The following GUCY1A2 variants were observed in gnomAD, a reference collection of about 807,000 sequenced individuals.
The protein encoded by GUCY1A2 is guanylate cyclase soluble subunit alpha-2.
Under a neutral mutation model 63.5 loss-of-function variants are expected in GUCY1A2, and 27 were observed. The ratio of observed to expected loss-of-function variants is 0.43; its 90% confidence interval spans 0.31 to 0.59. The LOEUF (loss-of-function observed/expected upper bound fraction) is 0.59. Ranked by LOEUF, GUCY1A2 falls within the 20% of genes least tolerant of loss-of-function variation. The pLI is 0.11. For missense variants in GUCY1A2, 768 were observed against 913.3 expected, an observed-to-expected ratio of 0.84 and a Z score of 2.05; for synonymous variants, 364 against 343.5, an observed-to-expected ratio of 1.06 and a Z score of -0.66.
chr11:106,793,556 A>T (rs2135413689), intron 5 of GUCY1A2, among the ~76,000 whole-genome samples: 1 of 152,232 alleles, frequency 6.6e-6, no homozygotes, highest in Non-Finnish European at 1.5e-5. Flanking sequence ...CAACATAATG[A>T]AAAAGGCAAC....
At chr11:106,809,894 C>G in intron 5 of GUCY1A2, 99 bp downstream of exon 5, 1 of 752,326 alleles carries the variant, frequency 1.3e-6, no homozygotes, top group East Asian at 2.7e-5. Flanking sequence ...AAAGAGTTGT[C>G]AATTATTTAG....
At chr11:106,777,659 A>G (rs535949108) in intron 5 of GUCY1A2, among the ~76,000 whole-genome samples, 1 of 134,976 alleles carries the variant, frequency 7.4e-6, no homozygotes, top group African/African-American at 2.9e-5. Context: ...GGACAGGGAC[A>G]TCACATGCTG....
At chr11:106,982,349 G>A (rs1027344169) in intron 2 of GUCY1A2, among the ~76,000 whole-genome samples, 3 of 152,056 alleles carry the variant, frequency 2.0e-5, no homozygotes, top group Admixed American at 6.6e-5. Flanking sequence ...GACTTCTTCT[G>A]CTCCTCACTA....
chr11:106,808,988 A>G (rs10890598), intron 5 of GUCY1A2, among the ~76,000 whole-genome samples: 33,953 of 152,064 alleles, frequency 0.22, 3,892 homozygotes, highest in Middle Eastern at 0.32. Flanking sequence ...AAGAGATTCA[A>G]TTAAAATATT....
intron 7 of GUCY1A2, among the ~76,000 whole-genome samples, chr11:106,705,295 T>C (rs978677946): frequency 3.9e-5 from 6 of 152,106 alleles, no homozygotes; most frequent in Non-Finnish European, 7.4e-5. Flanking sequence ...CTTTTGTTAA[T>C]AAAAACACAT....
intron 4 of GUCY1A2, among the ~76,000 whole-genome samples, chr11:106,869,779 T>G (rs747232701): frequency 1.3e-5 from 2 of 152,138 alleles, no homozygotes; most frequent in Non-Finnish European, 2.9e-5. Context: ...GGAATATAAA[T>G]CATGCTGCTA....
chr11:106,863,173 G>T (rs1859538231), intron 4 of GUCY1A2, among the ~76,000 whole-genome samples: 1 of 152,134 alleles, frequency 6.6e-6, no homozygotes, highest in Admixed American at 6.6e-5. Context: ...TTTGGCTTTT[G>T]TTGCCATTGC....
rs527566819 is a variant in GUCY1A2, at chr11:106,771,797, A to T, written c.1836+4642T>A. Among the ~76,000 whole-genome samples the T allele has an allele frequency of 1.3e-3, 204 of 152,172 alleles. 1 individual carries two copies. Among genetic ancestry groups the T allele is most frequent in the Non-Finnish European group, 1.5e-3 (100 of 68,034 alleles). On this transcript the variant is annotated intron_variant, in intron 6 of 7. Coordinates refer to ENST00000526355, the MANE Select transcript of GUCY1A2 (RefSeq NM_000855.3). Reference sequence around the variant, plus strand: ...AATCAGATTCTCCCTTGGGAAGAATAAAAAGGAAACAGTCATAATGCTGTT... The same window carrying T: ...AATCAGATTCTCCCTTGGGAAGAATTAAAAGGAAACAGTCATAATGCTGTT...
At chr11:106,894,927 A>G (rs1031786104) in intron 4 of GUCY1A2, among the ~76,000 whole-genome samples, 5 of 152,150 alleles carry the variant, frequency 3.3e-5, no homozygotes, top group African/African-American at 1.2e-4. Context: ...TGAAATTGAA[A>G]ACAGGAAATA....
chr11:106,893,728 T>C (rs1860006625), intron 4 of GUCY1A2, among the ~76,000 whole-genome samples: 1 of 152,146 alleles, frequency 6.6e-6, no homozygotes, highest in African/African-American at 2.4e-5. Flanking sequence ...CAGAGAATAA[T>C]GACTTACTGG....
chr11:106,957,888 T>C (rs1331371137), intron 3 of GUCY1A2, among the ~76,000 whole-genome samples: 1 of 41,010 alleles, frequency 2.4e-5, no homozygotes, highest in African/African-American at 8.3e-5. Context: ...TTTTTTTTTT[T>C]TCAGAAAAAA....
intron 5 of GUCY1A2, among the ~76,000 whole-genome samples, chr11:106,809,744 G>T (rs1483833564): frequency 1.3e-5 from 2 of 152,044 alleles, no homozygotes; most frequent in African/African-American, 2.4e-5. Flanking sequence ...AATAAACTTA[G>T]AGGAGTAGCT....
At chr11:106,893,947 A>G (rs927745493) in intron 4 of GUCY1A2, among the ~76,000 whole-genome samples, 3 of 152,208 alleles carry the variant, frequency 2.0e-5, no homozygotes, top group African/African-American at 7.2e-5. Flanking sequence ...TACTAGAGGA[A>G]AATTCCCTTA....
chr11:106,916,673 A>G (rs928196198), intron 4 of GUCY1A2, among the ~76,000 whole-genome samples: 1 of 145,482 alleles, frequency 6.9e-6, no homozygotes, highest in African/African-American at 2.4e-5. Context: ...TCAAAGAAGA[A>G]TAAGTAGCCA....
chr11:106,959,309 T>C (rs371991408), intron 3 of GUCY1A2, among the ~76,000 whole-genome samples: 9 of 152,312 alleles, frequency 5.9e-5, no homozygotes, highest in East Asian at 5.8e-4. Context: ...TTTGGTTTCA[T>C]TGTTTATTTG....
chr11:106,776,196 A>C (rs1591271681), intron 6 of GUCY1A2, among the ~76,000 whole-genome samples: 1 of 151,992 alleles, frequency 6.6e-6, no homozygotes, highest in Non-Finnish European at 1.5e-5. Context: ...CCTTGGGTCT[A>C]ATCTTTTAGC....
chr11:106,947,445 C>A lies in GUCY1A2; in HGVS notation c.488-7267G>T, dbSNP rs114178962. Among the ~76,000 whole-genome samples, 948 of 151,436 alleles carry A rather than the reference C, an allele frequency of 6.3e-3. 11 individuals are homozygous for A. Among genetic ancestry groups the A allele is most frequent in the African/African-American group, 0.022 (905 of 41,366 alleles). ...CTTTTGAGAAATCAAAAGATCAAAA[C>A]TAAAAAGCAAAATCAGAGAAATTAA... On this transcript the variant is annotated intron_variant, in intron 3 of 7. Transcript: ENST00000526355.
chr11:106,740,164 A>C (rs1480255488), intron 6 of GUCY1A2, among the ~76,000 whole-genome samples: 1 of 151,738 alleles, frequency 6.6e-6, no homozygotes, highest in Admixed American at 6.6e-5. Context: ...ATGTCCGGCT[A>C]ATTTTTGTAT....
At chr11:106,915,564 C>T (rs1348175880) in intron 4 of GUCY1A2, among the ~76,000 whole-genome samples, 1 of 109,906 alleles carries the variant, frequency 9.1e-6, no homozygotes, top group African/African-American at 2.7e-5. Context: ...AGAACATTGC[C>T]TAATTTTAAT....
Sources: allele counts gnomAD v4.1 joint callset (sites outside exome capture counted in the v4.1 genomes callset), GRCh38; gene constraint gnomAD v4.1.1; transcripts MANE v1.5; gene names NCBI Gene and HGNC (gene_info 2026-07-23, HGNC 2026-07-21).